IL5RA: variants seen among roughly 807,000 people sequenced by gnomAD.
The protein encoded by IL5RA is interleukin-5 receptor subunit alpha.
IL5RA carries 49 observed loss-of-function variants against 50.0 expected under a neutral mutation model. The ratio of observed to expected loss-of-function variants is 0.98; its 90% CI spans 0.78 to 1.24. The LOEUF is 1.24. IL5RA is among the 50% of genes most tolerant of loss of function. The pLI is 0.00. For synonymous variants in IL5RA, 202 were observed against 174.0 expected (o/e 1.16, Z -1.26); for missense variants, 600 against 500.4 (o/e 1.20, Z -1.90).
chr3:3,086,042 A>G (rs1574987131), intron 9 of IL5RA, among the ~76,000 whole-genome samples: 1 of 152,158 alleles, frequency 6.6e-6, no homozygotes, highest in East Asian at 1.9e-4. Flanking sequence ...CGAAAGTCAA[A>G]TTTGGGCCAT....
At chr3:3,096,289 A>AAAAAG (rs367739003) in intron 7 of IL5RA, among the ~76,000 whole-genome samples, 207 of 141,344 alleles carry the variant, frequency 1.5e-3, no homozygotes, top group South Asian at 6.5e-3. Flanking sequence ...AAAAAAAAAA[A>AAAAAG]AAGAAGAAGA....
intron 5 of IL5RA, among the ~76,000 whole-genome samples, chr3:3,100,057 C>A (rs563689191): frequency 6.6e-6 from 1 of 152,216 alleles, no homozygotes; most frequent in African/African-American, 2.4e-5. Context: ...ATTTCAACCT[C>A]TCGTTGCTGT....
intron 11 of IL5RA, 115 bp from the exon 12 acceptor site, chr3:3,070,426 C>A: frequency 6.1e-6 from 4 of 652,876 alleles, no homozygotes; most frequent in South Asian, 4.1e-5. Flanking sequence ...TAAATGTTCA[C>A]AAAGAAGATG....
chr3:3,097,859 G>A lies in IL5RA; in HGVS notation c.709+11C>T. 1 of 1,606,032 alleles carries A rather than the reference G, an allele frequency of 6.2e-7. No individual in the cohort carries two copies. The highest frequency in any genetic ancestry group is 8.5e-7 in the Non-Finnish European group (1 of 1,174,464). ...TTCAGTTATTTCAGCTTTGGGTTAA[G>A]TCGGTCTTACCAATGGCGTGAAGGG... On this transcript the variant is annotated intron_variant, in intron 7 of 11. Transcript: ENST00000446632.
chr3:3,083,443 G>A (rs1702738568), intron 9 of IL5RA, among the ~76,000 whole-genome samples: 1 of 152,182 alleles, frequency 6.6e-6, no homozygotes, highest in South Asian at 2.1e-4. Context: ...GTGTATTTGT[G>A]TGCATGCGTG....
Position 3,066,766 on chromosome 3 carries a change from G to T in IL5RA, c.*3459C>A, listed in dbSNP as rs1702145802. On this transcript the variant is annotated 3_prime_UTR_variant, in exon 12 of 12. Coordinates refer to ENST00000446632, the MANE Select transcript of IL5RA (RefSeq NM_175726.4). ...TCCCCAGCCTGCATGAATAGCTTGA[G>T]GTCTGAGGCATTTCAATGAGGCTCA... 1 of 152,210 alleles carries T rather than the reference G, an allele frequency of 6.6e-6. No homozygotes were observed. The highest frequency in any genetic ancestry group is 1.5e-5 in the Non-Finnish European group (1 of 68,074). The allele number at this position is 152,210 out of a possible 1,614,324, so 9.4% of individuals were successfully genotyped here.
intron 9 of IL5RA, among the ~76,000 whole-genome samples, chr3:3,080,797 C>T (rs1702637389): frequency 6.6e-6 from 1 of 152,188 alleles, no homozygotes; most frequent in Non-Finnish European, 1.5e-5. Flanking sequence ...TGGGTTCAAG[C>T]AATCCTCTCG....
At chr3:3,104,028 A>T (rs998908224) in intron 3 of IL5RA, among the ~76,000 whole-genome samples, 1 of 152,146 alleles carries the variant, frequency 6.6e-6, no homozygotes, top group African/African-American at 2.4e-5. Context: ...TGGCTATTGA[A>T]ATTTTATTTA....
intron 9 of IL5RA, among the ~76,000 whole-genome samples, chr3:3,080,305 G>A (rs1021389714): frequency 2.0e-5 from 3 of 152,196 alleles, no homozygotes; most frequent in African/African-American, 7.2e-5. Flanking sequence ...TGGAGGAACT[G>A]AGGCAGAAAA....
intron 11 of IL5RA, among the ~76,000 whole-genome samples, chr3:3,072,402 C>T (rs1702333797): frequency 6.6e-6 from 1 of 152,242 alleles, no homozygotes; most frequent in Non-Finnish European, 1.5e-5. Context: ...TCATCCTCTG[C>T]TTATTCTGAA....
chr3:3,104,456 A>G (rs987842641), intron 3 of IL5RA, among the ~76,000 whole-genome samples: 2 of 152,242 alleles, frequency 1.3e-5, no homozygotes, highest in Non-Finnish European at 2.9e-5. Context: ...TGTCATTACC[A>G]TAGATAGTTC....
chr3:3,109,481 A>C (rs543597586), intron 1 of IL5RA, among the ~76,000 whole-genome samples: 49 of 152,180 alleles, frequency 3.2e-4, no homozygotes, highest in Non-Finnish European at 6.6e-4. Context: ...AAATCTTGGC[A>C]GAATATATGT....
intron 3 of IL5RA, among the ~76,000 whole-genome samples, chr3:3,104,331 A>C (rs6767780): frequency 0.73 from 111,556 of 152,154 alleles, 41,017 homozygotes; most frequent in South Asian, 0.86. Flanking sequence ...GAGCCACTGC[A>C]TACGGCCTAA....
intron 1 of IL5RA, among the ~76,000 whole-genome samples, chr3:3,108,985 A>G (rs1704059516): frequency 6.6e-6 from 1 of 152,228 alleles, no homozygotes; most frequent in Non-Finnish European, 1.5e-5. Context: ...CTTAAAATAG[A>G]AATCATGCCA....
Position 3,101,721 on chromosome 3 carries a change from C to A in IL5RA, c.338G>T (p.Trp113Leu), listed in dbSNP as rs768045070. 2 of 1,613,886 alleles carry A rather than the reference C, an allele frequency of 1.2e-6. No individual in the cohort carries two copies. Among genetic ancestry groups the A allele is most frequent in the Non-Finnish European group, 1.7e-6 (2 of 1,179,982 alleles). ...QNDHSLLASSWASAELHAPPG... is the reference protein window; with the variant it reads ...QNDHSLLASSLASAELHAPPG... ...TGGGGCATGAAGTTCAGCAGAAGCC[C>A]AGCTGCTGGCCAGTAGTGAGTGGTC... Residue 113 changes from tryptophan to leucine, a missense_variant, in exon 5 of 12, where the codon TGG becomes TTG. By Grantham distance (61) the Trp-to-Leu change is moderately conservative. Transcript: ENST00000446632.
intron 11 of IL5RA, 89 bp downstream of exon 11, chr3:3,074,693 A>G (rs1262029181): frequency 2.8e-6 from 2 of 718,046 alleles, no homozygotes; most frequent in African/African-American, 3.6e-5. Context: ...ACCCTGCCTT[A>G]TAATATAGAA....
rs117783902 is a variant in IL5RA, at chr3:3,073,798, T to A, written c.1176+984A>T. On this transcript the variant is annotated intron_variant, in intron 11 of 11. Transcript: ENST00000446632. ...TTTTTGTAGAAAATTGTCAGCTGAA[T>A]CTAAGATGTATATGAAAATGCAGAG... is the stretch of plus-strand genomic sequence containing the variant. The A allele has an allele frequency of 1.4e-3, 622 of 452,426 alleles. 15 individuals carry two copies. The East Asian group carries it at 0.035, about 25-fold the overall frequency. 28.0% of individuals were successfully genotyped at this position (452,426 alleles called of 1,614,324 possible).
At position 3,099,580 on chromosome 3, in the gene IL5RA, G is replaced by A. The variant is rs533511331; in HGVS notation, c.368-1290C>T. Among the ~76,000 whole-genome samples, 132 of 152,074 alleles carry A rather than the reference G, an allele frequency of 8.7e-4. 1 individual carries two copies. Among genetic ancestry groups the A allele is most frequent in the African/African-American group, 3.1e-3 (128 of 41,476 alleles). ...GGAGGTCGAGGCTGCAATGAACCAAGATCATACCACTACACTCCAGCCTGG... is the reference window on the plus strand; with the variant it reads ...GGAGGTCGAGGCTGCAATGAACCAAAATCATACCACTACACTCCAGCCTGG... On this transcript the variant is annotated intron_variant, in intron 5 of 11. Coordinates refer to ENST00000446632, the MANE Select transcript of IL5RA (RefSeq NM_175726.4).
chr3:3,103,015 C>G (rs1369890478), intron 3 of IL5RA, 195 bp from the exon 4 acceptor site: 3 of 455,422 alleles, frequency 6.6e-6, no homozygotes, highest in Non-Finnish European at 3.9e-6. Context: ...GCTGGGACTA[C>G]AGGCGCATGC....
Sources: gnomAD v4.1 joint callset for allele counts (sites outside exome capture counted in the v4.1 genomes callset) on GRCh38, gnomAD v4.1.1 for gene constraint, MANE v1.5 for transcripts, NCBI Gene and HGNC (gene_info 2026-07-23, HGNC 2026-07-21) for gene names.